Variants in GLYATL2 observed in about 807,000 individuals in gnomAD.
GLYATL2 encodes the protein glycine-N-acyltransferase like 2.
In GLYATL2, 25 loss-of-function variants were observed where a neutral mutation model predicts 21.4. The observed-to-expected ratio is 1.17, with a 90% CI of 0.85 to 1.63. The LOEUF (loss-of-function observed/expected upper bound fraction) is 1.63, where lower values mean the gene tolerates loss of function less well. Among genes scored for constraint, GLYATL2 ranks in the 40% most tolerant of loss-of-function variants. GLYATL2 has a pLI of 0.00. For synonymous variants in GLYATL2, 114 were observed against 118.2 expected (o/e 0.96, Z 0.23); for missense variants, 361 against 343.3 (o/e 1.05, Z -0.41).
intron 1 of GLYATL2, among the ~76,000 whole-genome samples, chr11:58,884,537 T>G (rs1031766333): frequency 1.3e-5 from 2 of 152,234 alleles, no homozygotes; most frequent in Non-Finnish European, 2.9e-5. Context: ...CTATTCTAGA[T>G]GAAAGAATAC....
rs1853454403 is a variant in GLYATL2 at position 58,837,321 on chromosome 11, A to T, written c.263T>A (p.Val88Asp). Residue 88 changes from valine to aspartate, a missense_variant, in exon 4 of 6, where the codon GTC becomes GAC. Coordinates refer to ENST00000287275, the MANE Select transcript of GLYATL2 (RefSeq NM_145016.4). ...FTKAPDKLEE[V>D]LSYSNVISWE... is the part of the protein sequence containing the mutation. The stretch of plus-strand genomic sequence containing the variant: ...GCTGATTACATTGGAGTATGACAGG[A>T]CTTCCTCTAATTTGTCAGGAGCTTT... 1 of 1,613,898 alleles carries T rather than the reference A, an allele frequency of 6.2e-7. No individual in the cohort carries two copies. The highest frequency in any genetic ancestry group is 1.3e-5 in the African/African-American group (1 of 75,032).
chr11:58,899,361 C>G (rs539942877), intron 1 of GLYATL2, among the ~76,000 whole-genome samples: 1 of 152,080 alleles, frequency 6.6e-6, no homozygotes, highest in Non-Finnish European at 1.5e-5. Context: ...CTCACTGCCC[C>G]TCTTGAAGCT....
At chr11:58,887,197 T>TA (rs2134618298) in intron 1 of GLYATL2, among the ~76,000 whole-genome samples, 1 of 152,308 alleles carries the variant, frequency 6.6e-6, no homozygotes, top group Admixed American at 6.5e-5. Flanking sequence ...TTTATAAAGT[T>TA]AGTCAATAAA....
upstream of GLYATL2, among the ~76,000 whole-genome samples, chr11:58,908,825 G>A (rs2134642698): frequency 6.6e-6 from 1 of 152,254 alleles, no homozygotes; most frequent in Non-Finnish European, 1.5e-5. Flanking sequence ...AAAATAATTA[G>A]CTAATGTTTC....
chr11:58,909,629 G>A, the GLYATL2 span, among the ~76,000 whole-genome samples: 4 of 152,162 alleles, frequency 2.6e-5, no homozygotes, highest in African/African-American at 4.8e-5. Context: ...TCATGTACAC[G>A]TGAAAATATA....
intron 1 of GLYATL2, among the ~76,000 whole-genome samples, chr11:58,855,470 C>T (rs615237): frequency 0.89 from 135,095 of 152,266 alleles, 61,093 homozygotes; most frequent in Non-Finnish European, 0.98. Flanking sequence ...GATGGTGCTG[C>T]AATCTAGGTT....
intron 3 of GLYATL2, 36 bp downstream of exon 3, chr11:58,838,225 G>T: frequency 7.3e-7 from 1 of 1,361,926 alleles, no homozygotes; most frequent in Non-Finnish European, 1.0e-6. Context: ...CGTCTGGAGA[G>T]TGACTACCCT....
chr11:58,909,055 G>A (rs927637245), upstream of GLYATL2, among the ~76,000 whole-genome samples: 1 of 152,064 alleles, frequency 6.6e-6, no homozygotes, highest in African/African-American at 2.4e-5. Flanking sequence ...ACACTATTTT[G>A]TTCAAAATAT....
intron 1 of GLYATL2, among the ~76,000 whole-genome samples, chr11:58,887,444 A>C (rs1216745578): frequency 6.6e-6 from 1 of 152,184 alleles, no homozygotes; most frequent in Non-Finnish European, 1.5e-5. Flanking sequence ...TTAATCTCAA[A>C]GATAATATAT....
At chr11:58,898,528 T>C (rs1036779962) in intron 1 of GLYATL2, among the ~76,000 whole-genome samples, 20 of 151,978 alleles carry the variant, frequency 1.3e-4, no homozygotes, top group African/African-American at 4.3e-4. Context: ...CTGTTCCTAT[T>C]TGATTAGTTA....
chr11:58,860,766 A>G (rs2134594284), intron 1 of GLYATL2, among the ~76,000 whole-genome samples: 1 of 152,128 alleles, frequency 6.6e-6, no homozygotes. Context: ...TGTATGAGCT[A>G]CATTTCTTCT....
At chr11:58,864,136 C>G (rs976432965) in intron 1 of GLYATL2, among the ~76,000 whole-genome samples, 3 of 152,046 alleles carry the variant, frequency 2.0e-5, no homozygotes, top group African/African-American at 7.2e-5. Context: ...TAGCCTGGCG[C>G]TAGGCAGTCC....
chr11:58,873,575 T>C (rs565157889), intron 1 of GLYATL2, among the ~76,000 whole-genome samples: 4 of 152,238 alleles, frequency 2.6e-5, no homozygotes, highest in Non-Finnish European at 5.9e-5. Context: ...TCTGTTTATA[T>C]ACTGGATTAC....
chr11:58,859,775 A>T (rs373609337), intron 1 of GLYATL2, among the ~76,000 whole-genome samples: 1 of 152,188 alleles, frequency 6.6e-6, no homozygotes, highest in East Asian at 1.9e-4. Context: ...TCCTTAAACC[A>T]TTTTTGGTTG....
Position 58,837,389 on chromosome 11 carries a change from T to C in GLYATL2, c.195A>G (p.Lys65=), listed in dbSNP as rs974045112. The C allele has an allele frequency of 1.2e-6, 2 of 1,612,602 alleles. No individual in the cohort carries two copies. Among genetic ancestry groups the C allele is most frequent in the Admixed American group, 1.7e-5 (1 of 59,944 alleles). ...TGTTGGTATAATGATCCTGGTCATC[T>C]TTCATCTCCTGATATAACAAATATC... ...VITRPQKQEM[K]DDQDHYTNTY... The change falls in exon 4 of 6, where the codon AAA becomes AAG. Residue 65 remains lysine, a synonymous_variant. Coordinates refer to ENST00000287275, the MANE Select transcript of GLYATL2 (RefSeq NM_145016.4).
rs1372882086 is a variant in GLYATL2, at chr11:58,842,904, T to C, written c.-41+1530A>G. Among the ~76,000 whole-genome samples, 9 of 152,316 alleles carry C rather than the reference T, an allele frequency of 5.9e-5. No homozygotes were observed. In the East Asian group the frequency reaches 1.5e-3, roughly 26 times the overall value. ...CCAAAAATTAGGTAAATAATTATCT[T>C]GTTTTTATTAATATTTATTAAATGT... On this transcript the variant is annotated intron_variant, in intron 1 of 5. Transcript: ENST00000287275.
chr11:58,864,344 G>T (rs1049284048), intron 1 of GLYATL2, among the ~76,000 whole-genome samples: 1 of 85,364 alleles, frequency 1.2e-5, no homozygotes, highest in African/African-American at 3.3e-5. Context: ...GACACCTATG[G>T]CACTGGGGTA....
At chr11:58,858,112 G>A (rs663578) in intron 1 of GLYATL2, among the ~76,000 whole-genome samples, 108,283 of 151,988 alleles carry the variant, frequency 0.71, 40,666 homozygotes, top group Middle Eastern at 0.86. Context: ...TGTAGCGTGC[G>A]TTTGAGTAGC....
chr11:58,888,164 G>C (rs1854475803), intron 1 of GLYATL2, among the ~76,000 whole-genome samples: 1 of 151,994 alleles, frequency 6.6e-6, no homozygotes, highest in South Asian at 2.1e-4. Context: ...TTTTACACTG[G>C]GGTTTTGTGT....
Sources: gnomAD v4.1 joint callset for allele counts (sites outside exome capture counted in the v4.1 genomes callset) on GRCh38, gnomAD v4.1.1 for gene constraint, MANE v1.5 for transcripts, NCBI Gene and HGNC (gene_info 2026-07-23, HGNC 2026-07-21) for gene names.